The following TNFSF8 variants were observed in gnomAD, a reference collection of about 807,000 sequenced individuals.
TNFSF8 encodes tumor necrosis factor ligand superfamily member 8.
Under a neutral mutation model 22.0 loss-of-function variants are expected in TNFSF8, and 4 were observed. The ratio of observed to expected loss-of-function variants is 0.18; its 90% confidence interval spans 0.09 to 0.42. The LOEUF is 0.42. Among genes scored for constraint, TNFSF8 ranks in the 10% least tolerant of loss-of-function variants. TNFSF8 has a pLI of 1.00. For synonymous variants in TNFSF8, 106 were observed against 112.5 expected, an observed-to-expected ratio of 0.94 and a Z score of 0.37; for missense variants, 233 against 281.8, an observed-to-expected ratio of 0.83 and a Z score of 1.24.
intron 1 of TNFSF8, among the ~76,000 whole-genome samples, chr9:114,922,028 T>C (rs113718335): frequency 2.6e-4 from 39 of 152,236 alleles, no homozygotes; most frequent in South Asian, 4.1e-4. Context: ...AGTGTTTTCT[T>C]CTCCTTTAAT....
At chr9:114,927,004 TATTTTATA>T (rs1298636996) in intron 1 of TNFSF8, among the ~76,000 whole-genome samples, 2 of 128,608 alleles carry the variant, frequency 1.6e-5, no homozygotes, top group African/African-American at 7.6e-5. Context: ...ATAAAATGTT[TATTTTATA>T]ATATATTTAT....
intron 1 of TNFSF8, among the ~76,000 whole-genome samples, chr9:114,927,977 T>C (rs1298325729): frequency 6.6e-6 from 1 of 152,202 alleles, no homozygotes; most frequent in South Asian, 2.1e-4. Flanking sequence ...GCTTTTTTTT[T>C]TCTTGTTAGG....
chr9:114,902,790 G>A lies in TNFSF8; in HGVS notation c.*1141C>T. On this transcript the variant is annotated 3_prime_UTR_variant, in exon 4 of 4. Transcript: ENST00000223795. ...GAGGTTTTGAAGCAATTCAAACCCA[G>A]TCCTTTCATTTTCTAGACTTGGATC... The A allele has an allele frequency of 1.0e-6, 1 of 979,298 alleles. No individual in the cohort carries two copies. Among genetic ancestry groups the A allele is most frequent in the Non-Finnish European group, 1.2e-6 (1 of 824,386 alleles). The allele number at this position is 979,298 out of a possible 1,614,324, so 60.7% of individuals were successfully genotyped here.
exon 5 of TNFSF8, chr9:114,894,112 C>G: frequency 6.5e-7 from 1 of 1,535,294 alleles, no homozygotes. Flanking sequence ...AGCAGTGTCC[C>G]TTCCCAGAGT....
Position 114,930,123 on chromosome 9 carries a change from C to A in TNFSF8, c.181G>T (p.Val61Phe). The change falls in exon 1 of 4, where the codon GTC (valine) becomes TTC (phenylalanine). Residue 61 changes from valine to phenylalanine, a missense_variant. Physicochemically the swap from Val to Phe is conservative, Grantham distance 50. Transcript: ENST00000223795. ...AGTCCACTTACCGTCCTCTGAACGACCAACACCATAATAGTGGCCACCGTG... is the reference window on the plus strand; with the variant it reads ...AGTCCACTTACCGTCCTCTGAACGAACAACACCATAATAGTGGCCACCGTG... ...VFTVATIMVL[V>F]VQRTDSIPNS... is the part of the protein sequence containing the mutation. 2 of 1,518,756 alleles carry A rather than the reference C, an allele frequency of 1.3e-6. No individual in the cohort carries two copies. Among genetic ancestry groups the A allele is most frequent in the Non-Finnish European group, 1.8e-6 (2 of 1,130,082 alleles). 94.1% of individuals were successfully genotyped at this position (1,518,756 alleles called of 1,614,324 possible). A position where few individuals can be genotyped will look rare whatever the true frequency, so the allele number is the denominator to read the frequency against.
intron 4 of TNFSF8, among the ~76,000 whole-genome samples, chr9:114,896,111 T>C (rs1400602552): frequency 6.6e-6 from 1 of 152,164 alleles, no homozygotes; most frequent in Non-Finnish European, 1.5e-5. Context: ...CAGAGAAACA[T>C]AACGGATTAC....
chr9:114,922,818 C>T (rs1587939678), intron 1 of TNFSF8, among the ~76,000 whole-genome samples: 1 of 152,174 alleles, frequency 6.6e-6, no homozygotes, highest in Admixed American at 6.5e-5. Flanking sequence ...CTTTAAAAGA[C>T]TGACCAGCAT....
In TNFSF8 at chr9:114,918,125, T is replaced by C; in HGVS notation, c.209A>G (p.Asn70Ser). The C allele has an allele frequency of 6.2e-7, 1 of 1,607,644 alleles. No homozygotes were observed. Among genetic ancestry groups the C allele is most frequent in the Non-Finnish European group, 8.5e-7 (1 of 1,176,880 alleles). Residue 70 changes from asparagine to serine, a missense_variant, in exon 2 of 4, where the codon AAC becomes AGC. Asn to Ser is a conservative substitution (Grantham distance 46, BLOSUM62 1). Coordinates refer to ENST00000223795, the MANE Select transcript of TNFSF8 (RefSeq NM_001244.4). ...LVVQRTDSIP[N>S]SPDNVPLKGG... Reference sequence around the variant, plus strand: ...TTTGAGGGGGACGTTGTCAGGTGAGTTGGGAATGGAGTCCTGGAAGAAAAG... The same window carrying C: ...TTTGAGGGGGACGTTGTCAGGTGAGCTGGGAATGGAGTCCTGGAAGAAAAG...
intron 2 of TNFSF8, among the ~76,000 whole-genome samples, chr9:114,912,805 CTTTGGGGTGGGTTCA>C (rs1438615514): frequency 6.6e-6 from 1 of 152,178 alleles, no homozygotes. Flanking sequence ...TTTATTGTTT[CTTTGGGGTGGGTTCA>C]TTTGGTAAAA....
intron 1 of TNFSF8, among the ~76,000 whole-genome samples, chr9:114,923,502 CTTTCTTTCTTTCTTTCTTTCT>C: frequency 1.2e-5 from 1 of 83,484 alleles, no homozygotes. Flanking sequence ...TTCTTTCTTT[CTTTCTTTCTTTCTTTCTTTCT>C]TTTTTTTTTT....
intron 2 of TNFSF8, among the ~76,000 whole-genome samples, chr9:114,915,098 G>T (rs1233360312): frequency 6.6e-6 from 1 of 152,122 alleles, no homozygotes; most frequent in East Asian, 1.9e-4. Context: ...TGCCCCTGAA[G>T]CTTCCTCCCA....
chr9:114,916,536 G>C (rs963942174), intron 2 of TNFSF8, among the ~76,000 whole-genome samples: 2 of 152,200 alleles, frequency 1.3e-5, no homozygotes, highest in African/African-American at 4.8e-5. Context: ...TCTGGGTGGA[G>C]GTGGTGGTGG....
chr9:114,909,388 G>T (rs1827824956), intron 2 of TNFSF8, among the ~76,000 whole-genome samples: 2 of 152,214 alleles, frequency 1.3e-5, no homozygotes, highest in African/African-American at 4.8e-5. Flanking sequence ...GAGCATCAGA[G>T]TGGGGGAAGT....
At chr9:114,897,767 G>A (rs983965200), downstream of TNFSF8, among the ~76,000 whole-genome samples, 19 of 152,138 alleles carry the variant, frequency 1.2e-4, no homozygotes, top group African/African-American at 4.6e-4. Context: ...AGAGCACAAG[G>A]AGGTGGGGCT....
At chr9:114,907,518 CTGTT>C (rs1183206684) in intron 2 of TNFSF8, among the ~76,000 whole-genome samples, 2 of 152,186 alleles carry the variant, frequency 1.3e-5, no homozygotes, top group African/African-American at 2.4e-5. Context: ...ACCTGGCTGT[CTGTT>C]TGCATGGAAG....
At chr9:114,894,339 C>T (rs184308220) in intron 4 of TNFSF8, among the ~76,000 whole-genome samples, 4 of 116,856 alleles carry the variant, frequency 3.4e-5, no homozygotes, top group African/African-American at 8.6e-5. Context: ...GTCCAGGTTG[C>T]ATGTCTAATT....
chr9:114,907,033 T>C (rs1445281894), intron 2 of TNFSF8, among the ~76,000 whole-genome samples: 1 of 152,204 alleles, frequency 6.6e-6, no homozygotes, highest in Non-Finnish European at 1.5e-5. Context: ...GCTCACTGCA[T>C]TGCCGAGTAG....
intron 1 of TNFSF8, 132 bp downstream of exon 1, chr9:114,929,977 T>TGTAG (rs1828117270): frequency 3.2e-6 from 1 of 317,268 alleles, no homozygotes; most frequent in Non-Finnish European, 5.6e-6. Flanking sequence ...TATATATATA[T>TGTAG]AGAGAGAGAG....
intron 2 of TNFSF8, among the ~76,000 whole-genome samples, chr9:114,917,473 T>C (rs547517270): frequency 6.6e-6 from 1 of 152,332 alleles, no homozygotes; most frequent in Admixed American, 6.5e-5. Flanking sequence ...TTTCTCATCA[T>C]CGATGTTAAC....
Sources: gnomAD v4.1 joint callset for allele counts (sites outside exome capture counted in the v4.1 genomes callset) on GRCh38, gnomAD v4.1.1 for gene constraint, MANE v1.5 for transcripts, NCBI Gene and HGNC (gene_info 2026-07-23, HGNC 2026-07-21) for gene names.